The following CCDC148 variants were observed in gnomAD, a reference collection of about 807,000 sequenced individuals.
The protein encoded by CCDC148 is coiled-coil domain-containing protein 148.
CCDC148 carries 89 observed loss-of-function variants against 85.7 expected under a neutral mutation model. That is an observed-to-expected ratio of 1.04 (90% confidence interval 0.87 to 1.24). The LOEUF (loss-of-function observed/expected upper bound fraction) is 1.24, where lower values mean the gene tolerates loss of function less well. Ranked by LOEUF, CCDC148 falls within the 50% of genes most tolerant of loss-of-function variation. CCDC148 has a pLI of 0.00. For missense variants in CCDC148, 692 were observed against 671.7 expected (o/e 1.03, Z -0.33); for synonymous variants, 230 against 213.9 (o/e 1.08, Z -0.66).
intron 1 of CCDC148, among the ~76,000 whole-genome samples, chr2:158,443,501 C>CAAA (rs1226963790): frequency 1.7e-5 from 1 of 59,318 alleles, no homozygotes; most frequent in African/African-American, 5.6e-5. Flanking sequence ...AAGTCTATCT[C>CAAA]AAAAAAAAAA....
intron 1 of CCDC148, among the ~76,000 whole-genome samples, chr2:158,401,547 G>A (rs1052085045): frequency 5.9e-5 from 9 of 152,104 alleles, no homozygotes; most frequent in Admixed American, 3.3e-4. Context: ...CTGTTGGGTG[G>A]TGGGGGACTG....
chr2:158,267,415 C>T (rs1574508610), intron 9 of CCDC148, among the ~76,000 whole-genome samples: 4 of 152,246 alleles, frequency 2.6e-5, no homozygotes, highest in South Asian at 4.1e-4. Flanking sequence ...ACCACCATAT[C>T]GAGGACATGT....
At chr2:158,416,503 G>A (rs544880237) in intron 1 of CCDC148, among the ~76,000 whole-genome samples, 1 of 152,066 alleles carries the variant, frequency 6.6e-6, no homozygotes, top group Non-Finnish European at 1.5e-5. Flanking sequence ...TATCTCTCAA[G>A]TACAAAGTTC....
At chr2:158,387,300 A>ATATCTC (rs1489787893) in intron 1 of CCDC148, among the ~76,000 whole-genome samples, 2 of 151,548 alleles carry the variant, frequency 1.3e-5, no homozygotes, top group East Asian at 3.9e-4. Context: ...ATCTATATCT[A>ATATCTC]TATCTATATC....
chr2:158,339,917 G>T (rs1306625889), intron 5 of CCDC148, among the ~76,000 whole-genome samples: 1 of 152,084 alleles, frequency 6.6e-6, no homozygotes, highest in Non-Finnish European at 1.5e-5. Context: ...GAGCCCCTAG[G>T]GAATTTCAGC....
intron 8 of CCDC148, among the ~76,000 whole-genome samples, chr2:158,313,369 C>T (rs1692125973): frequency 6.6e-6 from 1 of 152,172 alleles, no homozygotes; most frequent in South Asian, 2.1e-4. Flanking sequence ...TGAGGTAGAG[C>T]AGGCTCTGTG....
chr2:158,358,872 G>A (rs527303776), intron 1 of CCDC148, among the ~76,000 whole-genome samples: 1 of 152,120 alleles, frequency 6.6e-6, no homozygotes, highest in East Asian at 1.9e-4. Flanking sequence ...AAGCTACAAA[G>A]TATGACGACT....
chr2:158,201,751 C>T (rs1352370705), intron 11 of CCDC148, among the ~76,000 whole-genome samples: 2 of 151,988 alleles, frequency 1.3e-5, no homozygotes, highest in African/African-American at 4.8e-5. Flanking sequence ...CTTTTTTCCT[C>T]ATATGGTTAT....
At chr2:158,287,652 C>T (rs1203844267) in intron 9 of CCDC148, among the ~76,000 whole-genome samples, 1 of 152,232 alleles carries the variant, frequency 6.6e-6, no homozygotes, top group Non-Finnish European at 1.5e-5. Context: ...TGATCTTGAG[C>T]AGCTCTGCCC....
At chr2:158,450,995 T>C (rs1453053674) in intron 1 of CCDC148, among the ~76,000 whole-genome samples, 1 of 152,216 alleles carries the variant, frequency 6.6e-6, no homozygotes, top group East Asian at 1.9e-4. Context: ...TCTTCAATCT[T>C]TCTCCTATTC....
chr2:158,255,325 GA>G (rs1210856271), intron 9 of CCDC148, among the ~76,000 whole-genome samples: 1 of 151,620 alleles, frequency 6.6e-6, no homozygotes, highest in Non-Finnish European at 1.5e-5. Flanking sequence ...GTAAAGGAAA[GA>G]AGGTTGTTGG....
intron 1 of CCDC148, among the ~76,000 whole-genome samples, chr2:158,399,863 T>C (rs1257030938): frequency 6.6e-6 from 1 of 152,082 alleles, no homozygotes; most frequent in East Asian, 1.9e-4. Flanking sequence ...CATGATTGTA[T>C]ATTTGCAAAA....
intron 9 of CCDC148, among the ~76,000 whole-genome samples, chr2:158,289,856 G>A (rs1032336168): frequency 2.6e-5 from 4 of 152,226 alleles, no homozygotes; most frequent in African/African-American, 9.6e-5. Context: ...GTACACAATG[G>A]CCACACATAA....
At chr2:158,344,738 C>T (rs1266928705) in intron 3 of CCDC148, among the ~76,000 whole-genome samples, 1 of 152,106 alleles carries the variant, frequency 6.6e-6, no homozygotes, top group East Asian at 1.9e-4. Flanking sequence ...GATGCACTTA[C>T]ACCCAGAAAT....
intron 10 of CCDC148, among the ~76,000 whole-genome samples, chr2:158,233,715 C>A (rs764134653): frequency 6.6e-6 from 1 of 151,834 alleles, no homozygotes; most frequent in African/African-American, 2.4e-5. Context: ...AGAATGGGGA[C>A]CTGGTACATC....
chr2:158,214,594 T>G (rs1267857355), intron 11 of CCDC148, among the ~76,000 whole-genome samples: 1 of 152,156 alleles, frequency 6.6e-6, no homozygotes, highest in Non-Finnish European at 1.5e-5. Flanking sequence ...TCCTTTAGCC[T>G]CCAACCCTGA....
rs778134729 is a variant in CCDC148 at position 158,338,714 on chromosome 2, T to C, written c.764+12A>G. ...TCAAAAGTCTACACAGGACTCAGTT[T>C]TATCTTATCACCTGTATATGTCTTC... is the stretch of plus-strand genomic sequence containing the variant. On this transcript the variant is annotated intron_variant, in intron 7 of 13. Transcript: ENST00000283233. 6.3e-7 allele frequency: 1 copy of C among 1,585,808 alleles called. No individual in the cohort carries two copies. The highest frequency in any genetic ancestry group is 8.5e-7 in the Non-Finnish European group (1 of 1,170,880).
At chr2:158,189,151 G>A (rs1438158674) in intron 11 of CCDC148, among the ~76,000 whole-genome samples, 1 of 151,896 alleles carries the variant, frequency 6.6e-6, no homozygotes, top group Non-Finnish European at 1.5e-5. Context: ...GTAGGAATGT[G>A]TACTCAGTAC....
At chr2:158,310,548 G>A (rs550305334) in intron 8 of CCDC148, among the ~76,000 whole-genome samples, 6 of 151,222 alleles carry the variant, frequency 4.0e-5, no homozygotes, top group South Asian at 2.1e-4. Flanking sequence ...AGGTAGAGGC[G>A]CCCCCCACCT....
Sources: gnomAD v4.1 joint callset for allele counts (sites outside exome capture counted in the v4.1 genomes callset) on GRCh38, gnomAD v4.1.1 for gene constraint, MANE v1.5 for transcripts, NCBI Gene and HGNC (gene_info 2026-07-23, HGNC 2026-07-21) for gene names.